FCHSD1: variants seen among roughly 807,000 people sequenced by gnomAD.
FCHSD1 encodes FCH and double SH3 domains 1, also known as F-BAR and double SH3 domains protein 1.
Under a neutral mutation model 101.3 loss-of-function variants are expected in FCHSD1, and 109 were observed. That is an observed-to-expected ratio of 1.08 (90% CI 0.92 to 1.26). The LOEUF (loss-of-function observed/expected upper bound fraction) is 1.26. FCHSD1 is among the 50% of genes most tolerant of loss of function. The pLI is 0.00. For synonymous variants in FCHSD1, 291 were observed against 356.8 expected (o/e 0.82, Z 2.08); for missense variants, 820 against 895.8 (o/e 0.92, Z 1.08).
intron 18 of FCHSD1, chr5:141,642,480 A>G (rs1362463059): frequency 1.5e-6 from 1 of 646,012 alleles, no homozygotes; most frequent in Non-Finnish European, 2.7e-6. Context: ...CCATATGACA[A>G]ACAAGCACAT....
chr5:141,646,728 T>G lies in FCHSD1; in HGVS notation c.925-6A>C. 2 of 1,611,940 alleles carry G rather than the reference T, an allele frequency of 1.2e-6. No homozygotes were observed. Among genetic ancestry groups the G allele is most frequent in the South Asian group, 2.2e-5 (2 of 90,876 alleles). ...CCCCACTCCAGGACACACACCTGAA[T>G]GGGTCAGGGGGTGCTGTGAGGAGGA... is the stretch of plus-strand genomic sequence containing the variant. On this transcript the variant is annotated splice_region_variant and splice_polypyrimidine_tract_variant and intron_variant, in intron 10 of 19. Coordinates refer to ENST00000435817, the MANE Select transcript of FCHSD1 (RefSeq NM_033449.3).
intron 18 of FCHSD1, 114 bp from the exon 19 acceptor site, chr5:141,641,871 C>T: frequency 1.9e-6 from 2 of 1,073,806 alleles, no homozygotes; most frequent in Non-Finnish European, 2.8e-6. Context: ...GGTCACCATC[C>T]TAGACCATAA....
intron 7 of FCHSD1, among the ~76,000 whole-genome samples, chr5:141,648,309 C>T (rs1318837974): frequency 6.6e-6 from 1 of 152,208 alleles, no homozygotes; most frequent in Non-Finnish European, 1.5e-5. Flanking sequence ...TGTTCCTTAC[C>T]ATGGTCCACC....
At chr5:141,641,916 T>C in intron 18 of FCHSD1, 159 bp from the exon 19 acceptor site, 2 of 743,442 alleles carry the variant, frequency 2.7e-6, no homozygotes, top group Middle Eastern at 3.8e-4. Context: ...TCAACATTTA[T>C]TGGGCAACTG....
chr5:141,640,248 C>T lies in FCHSD1; in HGVS notation c.*1250G>A, dbSNP rs2099906682. The stretch of plus-strand genomic sequence containing the variant: ...GGGCCCAAGCCCAGGGCTGCCCACT[C>T]AAGAGGCAAATGGGCAGCCAAGCAA... On this transcript the variant is annotated 3_prime_UTR_variant, in exon 20 of 20. Transcript: ENST00000435817. 2.5e-6 allele frequency: 4 copies of T among 1,613,952 alleles called. No individual in the cohort carries two copies. The highest frequency in any genetic ancestry group is 3.3e-5 in the Admixed American group (2 of 59,978).
In FCHSD1 at chr5:141,651,402, C is replaced by T. The variant is rs1596469997; in HGVS notation, c.-34G>A. The T allele has an allele frequency of 1.3e-6, 2 of 1,551,090 alleles. No individual in the cohort carries two copies. Among genetic ancestry groups the T allele is most frequent in the African/African-American group, 1.4e-5 (1 of 73,178 alleles). Reference sequence around the variant, plus strand: ...CAGCAAGGCGGTCAGCCACTGGACTCCGGAACTGGAGGAAGCCCCGCCCAC... The same window carrying T: ...CAGCAAGGCGGTCAGCCACTGGACTTCGGAACTGGAGGAAGCCCCGCCCAC... On this transcript the variant is annotated 5_prime_UTR_variant, in exon 1 of 20. Coordinates refer to ENST00000435817, the MANE Select transcript of FCHSD1 (RefSeq NM_033449.3).
chr5:141,650,973 G>A (rs1406639918), intron 2 of FCHSD1, 47 bp downstream of exon 2: 4 of 1,510,956 alleles, frequency 2.6e-6, no homozygotes, highest in African/African-American at 2.8e-5. Flanking sequence ...GAGAAGTGGC[G>A]CACAACGACG....
In FCHSD1 at chr5:141,644,913, C is replaced by A. The variant is rs370137791; in HGVS notation, c.1470G>T (p.Thr490=). The change falls in exon 15 of 20, where the codon ACG becomes ACT. Residue 490 remains threonine, a synonymous_variant. Coordinates refer to ENST00000435817, the MANE Select transcript of FCHSD1 (RefSeq NM_033449.3). ...QAGREDELTI[T]EGEWLEVIEE... Reference sequence around the variant, plus strand: ...CTATGACCTCCAGCCACTCACCCTCCGTGATTGTCAGCTCATCCTCACGCC... The same window carrying A: ...CTATGACCTCCAGCCACTCACCCTCAGTGATTGTCAGCTCATCCTCACGCC... 17 of 1,613,920 alleles carry A rather than the reference C, an allele frequency of 1.1e-5. No homozygotes were observed. The highest frequency in any genetic ancestry group is 1.4e-5 in the Non-Finnish European group (16 of 1,179,876).
At chr5:141,646,778 T>C (rs2099907721) in intron 10 of FCHSD1, 56 bp from the exon 11 acceptor site, 1 of 1,578,434 alleles carries the variant, frequency 6.3e-7, no homozygotes, top group Non-Finnish European at 8.6e-7. Flanking sequence ...TTCTCTCCAG[T>C]TCCCTCCTTT....
chr5:141,648,025 C>T lies in FCHSD1; in HGVS notation c.648G>A (p.Val216=). The T allele has an allele frequency of 2.5e-6, 4 of 1,613,484 alleles. No individual in the cohort carries two copies. Among genetic ancestry groups the T allele is most frequent in the Non-Finnish European group, 2.5e-6 (3 of 1,179,698 alleles). Residue 216 remains valine, a synonymous_variant, in exon 8 of 20, where the codon GTG becomes GTA. Transcript: ENST00000435817. Reference sequence around the variant, plus strand: ...AATGGTCGAGGTGGGCATTGGTAGCCACCAAGTTAAGCAGGTACTCATTGC... The same window carrying T: ...AATGGTCGAGGTGGGCATTGGTAGCTACCAAGTTAAGCAGGTACTCATTGC... ...AARNEYLLNL[V]ATNAHLDHYY... is the part of the protein sequence containing the mutation.
intron 3 of FCHSD1, 103 bp downstream of exon 3, chr5:141,650,256 A>G: frequency 6.9e-7 from 1 of 1,444,278 alleles, no homozygotes; most frequent in South Asian, 1.1e-5. Flanking sequence ...GCTTGACTCT[A>G]GGCATCTGCT....
Position 141,640,808 on chromosome 5 carries a change from A to C in FCHSD1, c.*690T>G. 13 of 814,780 alleles carry C rather than the reference A, an allele frequency of 1.6e-5. No individual in the cohort carries two copies. Among genetic ancestry groups the C allele is most frequent in the Non-Finnish European group, 2.5e-5 (13 of 529,758 alleles). 50.5% of individuals were successfully genotyped at this position (814,780 alleles called of 1,614,324 possible). A position where few individuals can be genotyped will look rare whatever the true frequency, so the allele number is the denominator to read the frequency against. ...CTTCCACCTGGAGTTGCACAGTCTC[A>C]GGCTGGGGGCCTCAGGAGAGGTCAC... On this transcript the variant is annotated 3_prime_UTR_variant, in exon 20 of 20. Transcript: ENST00000435817.
In FCHSD1 at chr5:141,649,940, C is replaced by T; in HGVS notation, c.180G>A (p.Leu60=). The change falls in exon 4 of 20, where the codon CTG becomes CTA. Residue 60 remains leucine (L), a synonymous_variant. Transcript: ENST00000435817. This position sits in a 1 kb window ranked among gnomAD's most constrained non-coding sequence, Gnocchi z 4.1. The stretch of plus-strand genomic sequence containing the variant: ...CTTCCCTCTTCAGGAATGGGCCAGC[C>T]AGTTTCTGGAGTGCCTGGTGAAAAA... ...EREYGQALQK[L]AGPFLKREGH... The T allele has an allele frequency of 1.9e-6, 3 of 1,547,708 alleles. No homozygotes were observed. Among genetic ancestry groups the T allele is most frequent in the Non-Finnish European group, 2.6e-6 (3 of 1,147,204 alleles).
chr5:141,648,140 G>C (rs1234369234), intron 7 of FCHSD1, 44 bp from the exon 8 acceptor site: 2 of 1,563,160 alleles, frequency 1.3e-6, no homozygotes, highest in African/African-American at 2.7e-5. Flanking sequence ...TAGACCCCCA[G>C]AGTCCTTCCA....
rs775199549 is a variant in FCHSD1 at position 141,640,307 on chromosome 5, C to T, written c.*1191G>A. The T allele has an allele frequency of 1.9e-6, 3 of 1,613,700 alleles. No homozygotes were observed. The highest frequency in any genetic ancestry group is 2.2e-5 in the South Asian group (2 of 91,054). ...CTTCTGATCACCAGGTAGGAAAACA[C>T]AGCCGGGACTGCACTGGGCTGGGCT... On this transcript the variant is annotated 3_prime_UTR_variant, in exon 20 of 20. Coordinates refer to ENST00000435817, the MANE Select transcript of FCHSD1 (RefSeq NM_033449.3).
rs11742646 is a variant in FCHSD1 at position 141,640,263 on chromosome 5, C to G, written c.*1235G>C. ...GCTGCCCACTCAAGAGGCAAATGGG[C>G]AGCCAAGCAAACCAGACACTTCTGA... On this transcript the variant is annotated 3_prime_UTR_variant, in exon 20 of 20. Coordinates refer to ENST00000435817, the MANE Select transcript of FCHSD1 (RefSeq NM_033449.3). The G allele has an allele frequency of 0.19, 312,514 of 1,613,716 alleles. 31,429 individuals carry two copies. The highest frequency in any genetic ancestry group is 0.31 in the South Asian group (27,918 of 91,080).
chr5:141,642,733 C>T, intron 18 of FCHSD1: 1 of 544,488 alleles, frequency 1.8e-6, no homozygotes, highest in South Asian at 2.4e-5. Context: ...TTTTTTAACT[C>T]TCATAAGAAT....
At chr5:141,646,302 C>T in intron 11 of FCHSD1, 111 bp from the exon 12 acceptor site, 1 of 1,099,674 alleles carries the variant, frequency 9.1e-7, no homozygotes, top group African/African-American at 1.5e-5. Flanking sequence ...TTTAATCTTC[C>T]CTATGAGGTG....
Position 141,641,399 on chromosome 5 carries a change from C to T in FCHSD1, c.*99G>A, listed in dbSNP as rs370266583. On this transcript the variant is annotated 3_prime_UTR_variant, in exon 20 of 20. Transcript: ENST00000435817. Reference sequence around the variant, plus strand: ...GGTGAGGGTGGAAATAAGGGCGATTCCAGCTTTTGGCTGTGTTGCTCTGGA... The same window carrying T: ...GGTGAGGGTGGAAATAAGGGCGATTTCAGCTTTTGGCTGTGTTGCTCTGGA... The T allele has an allele frequency of 8.6e-7, 1 of 1,163,508 alleles. No individual in the cohort carries two copies. The highest frequency in any genetic ancestry group is 1.5e-5 in the African/African-American group (1 of 64,582). 72.1% of individuals were successfully genotyped at this position (1,163,508 alleles called of 1,614,324 possible).
Sources: allele counts gnomAD v4.1 joint callset (sites outside exome capture counted in the v4.1 genomes callset), GRCh38; gene constraint gnomAD v4.1.1; non-coding constraint Gnocchi (gnomAD v3.1); transcripts MANE v1.5; gene names NCBI Gene and HGNC (gene_info 2026-07-23, HGNC 2026-07-21).